KDM4C: variants seen among roughly 807,000 people sequenced by gnomAD.
The protein encoded by KDM4C is lysine demethylase 4C.
KDM4C carries 81 observed loss-of-function variants against 129.3 expected under a neutral mutation model. The ratio of observed to expected loss-of-function variants is 0.63; its 90% confidence interval spans 0.52 to 0.75. The LOEUF is 0.75. Ranked by LOEUF, KDM4C falls within the 30% of genes least tolerant of loss-of-function variation. The pLI is 0.00. For synonymous variants in KDM4C, 573 were observed against 456.1 expected, an observed-to-expected ratio of 1.26 and a Z score of -3.26; for missense variants, 1,457 against 1,304.0, an observed-to-expected ratio of 1.12 and a Z score of -1.81.
intron 15 of KDM4C, among the ~76,000 whole-genome samples, chr9:7,034,966 A>G (rs897124849): frequency 6.6e-6 from 1 of 152,024 alleles, no homozygotes; most frequent in African/African-American, 2.4e-5. Flanking sequence ...ATTTGTATGT[A>G]TTTTGTGAAA....
Position 6,824,242 on chromosome 9 carries a change from C to CT in KDM4C, c.435+9498dup, listed in dbSNP as rs1366770432. 5.3e-5 allele frequency among the ~76,000 whole-genome samples: 8 copies of CT among 152,318 alleles called. No homozygotes were observed. The South Asian group carries it at 1.0e-3, about 20-fold the overall frequency. On this transcript the variant is annotated intron_variant, in intron 4 of 21. Coordinates refer to ENST00000381309, the MANE Select transcript of KDM4C (RefSeq NM_015061.6). Reference sequence around the variant, plus strand: ...GTGGCTATTTCTTCTGCAGTAGACTCTGAGTTCATTGGTGACAGGTGTCAT... The same window carrying CT: ...GTGGCTATTTCTTCTGCAGTAGACTCTTGAGTTCATTGGTGACAGGTGTCAT...
At chr9:7,160,306 T>C (rs886925742) in intron 19 of KDM4C, among the ~76,000 whole-genome samples, 5 of 152,192 alleles carry the variant, frequency 3.3e-5, no homozygotes, top group African/African-American at 9.6e-5. Context: ...AAGTTTGTTA[T>C]TACCGACCTT....
At chr9:6,841,872 A>C (rs1207765307) in intron 4 of KDM4C, among the ~76,000 whole-genome samples, 12 of 152,356 alleles carry the variant, frequency 7.9e-5, no homozygotes, top group African/African-American at 2.6e-4. Context: ...GACTTCTCTT[A>C]AGAAGTTACA....
At chr9:7,049,024 G>T in intron 16 of KDM4C, 68 bp from the exon 17 acceptor site, 1 of 972,088 alleles carries the variant, frequency 1.0e-6, no homozygotes, top group Admixed American at 1.8e-5. Context: ...GTGAGAACTG[G>T]CATCACCAAG....
chr9:6,867,693 T>C (rs1341306628), intron 5 of KDM4C, among the ~76,000 whole-genome samples: 1 of 152,232 alleles, frequency 6.6e-6, no homozygotes, highest in Non-Finnish European at 1.5e-5. Context: ...TTCCAATTTC[T>C]TCATTACTTA....
chr9:7,018,191 C>G (rs1824021392), intron 15 of KDM4C, among the ~76,000 whole-genome samples: 1 of 152,128 alleles, frequency 6.6e-6, no homozygotes, highest in African/African-American at 2.4e-5. Context: ...TACGATGTAG[C>G]CCATTGCTAC....
At chr9:6,965,299 A>G (rs967370755) in intron 8 of KDM4C, among the ~76,000 whole-genome samples, 4 of 151,482 alleles carry the variant, frequency 2.6e-5, no homozygotes, top group East Asian at 1.9e-4. Context: ...TGATATATAT[A>G]TATATATTTG....
chr9:6,746,106 T>A (rs1229952144), intron 1 of KDM4C, among the ~76,000 whole-genome samples: 1 of 146,542 alleles, frequency 6.8e-6, no homozygotes, highest in African/African-American at 2.5e-5. Flanking sequence ...GCGCCCAGCA[T>A]ACTTTTTGTA....
At position 6,986,582 on chromosome 9, in the gene KDM4C, T is replaced by C; in HGVS notation, c.1593T>C (p.Asp531=). The C allele has an allele frequency of 2.5e-6, 4 of 1,613,914 alleles. No individual in the cohort carries two copies. The highest frequency in any genetic ancestry group is 3.4e-6 in the Non-Finnish European group (4 of 1,179,880). Residue 531 remains aspartate, a synonymous_variant, in exon 11 of 22, where the codon GAT becomes GAC. Coordinates refer to ENST00000381309, the MANE Select transcript of KDM4C (RefSeq NM_015061.6). Reference sequence around the variant, plus strand: ...TGTTAACAGAGGGAGAAGAGAGTGATGTGGAGAGCCATGGGAATGGCCTTG... The same window carrying C: ...TGTTAACAGAGGGAGAAGAGAGTGACGTGGAGAGCCATGGGAATGGCCTTG... ...NGVLTEGEES[D]VESHGNGLEP...
rs375951305 is a variant in KDM4C at position 6,974,458 on chromosome 9, C to G, written c.922-6467C>G. Reference sequence around the variant, plus strand: ...CACTGCAACCTACGCCTCTTGGGTTCAAGCAGTTCTCCTGCCTGTTTCCCG... The same window carrying G: ...CACTGCAACCTACGCCTCTTGGGTTGAAGCAGTTCTCCTGCCTGTTTCCCG... On this transcript the variant is annotated intron_variant, in intron 8 of 21. Transcript: ENST00000381309. 5.9e-5 allele frequency among the ~76,000 whole-genome samples: 9 copies of G among 152,318 alleles called. No individual in the cohort carries two copies. The East Asian group carries it at 1.2e-3, about 20-fold the overall frequency.
intron 2 of KDM4C, among the ~76,000 whole-genome samples, chr9:6,804,523 G>A (rs973935693): frequency 2.6e-5 from 4 of 152,004 alleles, no homozygotes; most frequent in Non-Finnish European, 5.9e-5. Flanking sequence ...AATTTGGGAG[G>A]CCGAGACGGG....
At chr9:7,027,395 C>A (rs1356358134) in intron 15 of KDM4C, among the ~76,000 whole-genome samples, 2 of 152,188 alleles carry the variant, frequency 1.3e-5, no homozygotes, top group African/African-American at 4.8e-5. Flanking sequence ...GATTACTAGG[C>A]AGGGACTCTT....
chr9:7,044,302 G>A (rs1829058344), intron 15 of KDM4C, among the ~76,000 whole-genome samples: 2 of 151,946 alleles, frequency 1.3e-5, no homozygotes, highest in African/African-American at 2.4e-5. Flanking sequence ...GAACCTCAGG[G>A]AGGTCCTTGA....
chr9:6,764,940 T>C (rs1273114302), intron 1 of KDM4C, among the ~76,000 whole-genome samples: 1 of 152,226 alleles, frequency 6.6e-6, no homozygotes, highest in Admixed American at 6.5e-5. Context: ...CATTTCATTA[T>C]GAGTTATCCA....
At chr9:6,877,530 C>A (rs1016640777) in intron 5 of KDM4C, among the ~76,000 whole-genome samples, 1 of 152,194 alleles carries the variant, frequency 6.6e-6, no homozygotes, top group Non-Finnish European at 1.5e-5. Flanking sequence ...GCCCTTCCAG[C>A]CCTGCAACTT....
rs897422895 is a variant in KDM4C at position 6,892,951 on chromosome 9, A to T, written c.784-144A>T. ...AAAAAGCACTATTAAAGGATTAAGT[A>T]ATGAATCTGGTGGAACTCTTTTTGG... On this transcript the variant is annotated intron_variant, in intron 7 of 21. Transcript: ENST00000381309. 9 of 514,212 alleles carry T rather than the reference A, an allele frequency of 1.8e-5. No individual in the cohort carries two copies. In the African/African-American group the frequency reaches 1.8e-4, roughly 10 times the overall value. The allele number at this position is 514,212 out of a possible 1,614,324, so 31.9% of individuals were successfully genotyped here.
In KDM4C at chr9:7,122,239, C is replaced by CCACACACACA. The variant is rs147638679; in HGVS notation, c.2611-5809_2611-5800dup. On this transcript the variant is annotated intron_variant, in intron 18 of 21. Transcript: ENST00000381309. ...GAGGAAGAGATAGCAGTGGGAGATG[C>CCACACACACA]CACACACACACACACACACACACAC... Among the ~76,000 whole-genome samples, 611 of 144,340 alleles carry CCACACACACA rather than the reference C, an allele frequency of 4.2e-3. 8 individuals are homozygous for CCACACACACA. Among genetic ancestry groups the CCACACACACA allele is most frequent in the South Asian group, 0.019 (82 of 4,376 alleles). The allele number at this position is 144,340 out of a possible 152,430, so 94.7% of individuals were successfully genotyped here.
intron 4 of KDM4C, among the ~76,000 whole-genome samples, chr9:6,846,723 A>G (rs1026679752): frequency 4.6e-5 from 7 of 152,214 alleles, no homozygotes; most frequent in Non-Finnish European, 1.0e-4. Flanking sequence ...ATTTAAACAC[A>G]TTTTATTAAA....
At chr9:6,751,104 G>C (rs1818050563) in intron 1 of KDM4C, among the ~76,000 whole-genome samples, 1 of 152,192 alleles carries the variant, frequency 6.6e-6, no homozygotes, top group African/African-American at 2.4e-5. Flanking sequence ...AGCTTTGGAA[G>C]TCATATCACA....
Sources: gnomAD v4.1 joint callset for allele counts (sites outside exome capture counted in the v4.1 genomes callset) on GRCh38, gnomAD v4.1.1 for gene constraint, MANE v1.5 for transcripts, NCBI Gene and HGNC (gene_info 2026-07-23, HGNC 2026-07-21) for gene names.